Variants in LMAN2 observed in about 807,000 individuals in gnomAD.
LMAN2 encodes lectin, mannose binding 2, also known as vesicular integral-membrane protein VIP36.
Under a neutral mutation model 39.3 loss-of-function variants are expected in LMAN2, and 22 were observed. That is an observed-to-expected ratio of 0.56 (90% CI 0.40 to 0.80). The LOEUF is 0.80. Ranked by LOEUF, LMAN2 falls within the 30% of genes least tolerant of loss-of-function variation. The pLI, the probability that LMAN2 is intolerant of heterozygous loss-of-function variation, is 0.00. For missense variants in LMAN2, 494 were observed against 505.4 expected, an observed-to-expected ratio of 0.98 and a Z score of 0.22; for synonymous variants, 207 against 207.8, an observed-to-expected ratio of 1.00 and a Z score of 0.03.
rs1414511980 is a variant in LMAN2, at chr5:177,332,094, A to G, written c.1063T>C (p.Phe355Leu). 6.2e-7 allele frequency: 1 copy of G among 1,611,538 alleles called. No individual in the cohort carries two copies. The highest frequency in any genetic ancestry group is 1.1e-5 in the South Asian group (1 of 91,016). Residue 355 changes from phenylalanine to leucine, a missense_variant, in exon 8 of 8, where the codon TTC becomes CTC. Physicochemically the swap from Phe to Leu is conservative, Grantham distance 22. Coordinates refer to ENST00000303127, the MANE Select transcript of LMAN2 (RefSeq NM_006816.3). The surrounding 1 kb of genome is among the most constrained non-coding windows in gnomAD (Gnocchi z 6.3). The stretch of plus-strand genomic sequence containing the variant: ...CCCGCCGGAGGCGCCACTCAGTAGA[A>G]GCGCTTGTTCCGCTCCTGCCGCTTC... The part of the protein sequence containing the change: ...FQKRQERNKR[F>L]Y
chr5:177,345,339 T>TAAA (rs10639580), intron 2 of LMAN2, among the ~76,000 whole-genome samples: 808 of 52,318 alleles, frequency 0.015, 49 homozygotes, highest in Non-Finnish European at 0.021. Flanking sequence ...AGACCCTGTC[T>TAAA]AAAAAAAAAA....
At chr5:177,344,507 C>G (rs1484692652) in intron 2 of LMAN2, among the ~76,000 whole-genome samples, 2 of 150,132 alleles carry the variant, frequency 1.3e-5, no homozygotes, top group African/African-American at 4.9e-5. Context: ...GTCTTGATCT[C>G]CTGACCTCGT....
Position 177,351,553 on chromosome 5 carries a change from G to C in LMAN2, c.95C>G (p.Pro32Arg), listed in dbSNP as rs754599913. The change falls in exon 1 of 8, where the codon CCT (proline) becomes CGT (arginine). Residue 32 changes from proline (P) to arginine (R), a missense_variant. Pro to Arg is a moderately radical substitution (Grantham distance 103, BLOSUM62 -2). Coordinates refer to ENST00000303127, the MANE Select transcript of LMAN2 (RefSeq NM_006816.3). ...LLGPGPGPTT[P>R]LFLLLLLGSV... ...CCCCAACAACAAAAGAAGAAAGAGA[G>C]GTGTAGTGGGGCCAGGGCCGGGGCC... 6.2e-7 allele frequency: 1 copy of C among 1,614,250 alleles called. No individual in the cohort carries two copies. The highest frequency in any genetic ancestry group is 1.1e-5 in the South Asian group (1 of 91,086).
In LMAN2 at chr5:177,332,085, C is replaced by T. The variant is rs745780892; in HGVS notation, c.*1G>A. On this transcript the variant is annotated 3_prime_UTR_variant, in exon 8 of 8. Coordinates refer to ENST00000303127, the MANE Select transcript of LMAN2 (RefSeq NM_006816.3). The surrounding 1 kb of genome is among the most constrained non-coding windows in gnomAD (Gnocchi z 6.3). ...GGGACAGGCCCCGCCGGAGGCGCCA[C>T]TCAGTAGAAGCGCTTGTTCCGCTCC... is the stretch of plus-strand genomic sequence containing the variant. 1.2e-6 allele frequency: 2 copies of T among 1,605,036 alleles called. No individual in the cohort carries two copies. Among genetic ancestry groups the T allele is most frequent in the Non-Finnish European group, 1.7e-6 (2 of 1,174,034 alleles).
At chr5:177,339,520 G>A (rs1342697014) in intron 2 of LMAN2, among the ~76,000 whole-genome samples, 3 of 152,248 alleles carry the variant, frequency 2.0e-5, no homozygotes, top group African/African-American at 4.8e-5. Flanking sequence ...GAAGTCGCTT[G>A]TGAAAACTAA....
At chr5:177,339,479 C>G (rs1025169257) in intron 2 of LMAN2, among the ~76,000 whole-genome samples, 14 of 152,214 alleles carry the variant, frequency 9.2e-5, no homozygotes, top group South Asian at 6.2e-4. Flanking sequence ...ACCGCCTACG[C>G]CAAGGGAGAA....
intron 2 of LMAN2, among the ~76,000 whole-genome samples, chr5:177,339,702 G>A (rs1170489740): frequency 1.3e-5 from 2 of 152,194 alleles, no homozygotes; most frequent in Non-Finnish European, 2.9e-5. Context: ...TGAGCATGAA[G>A]AGAAATGAAT....
Position 177,332,290 on chromosome 5 carries a change from G to A in LMAN2, c.911-44C>T, listed in dbSNP as rs371167395. 3.6e-5 allele frequency: 57 copies of A among 1,575,506 alleles called. No homozygotes were observed. Among genetic ancestry groups the A allele is most frequent in the South Asian group, 4.5e-5 (4 of 88,676 alleles). On this transcript the variant is annotated intron_variant, in intron 7 of 7. Transcript: ENST00000303127. The surrounding 1 kb of genome is among the most constrained non-coding windows in gnomAD (Gnocchi z 6.3). ...GGGAGCTGAAACGGCAGCACGGGCC[G>A]GGGATCAGGGGGCTGCAGGAGGGCA... is the stretch of plus-strand genomic sequence containing the variant.
intron 2 of LMAN2, among the ~76,000 whole-genome samples, chr5:177,341,543 C>A (rs573351666): frequency 1.3e-5 from 2 of 152,290 alleles, no homozygotes; most frequent in South Asian, 4.1e-4. Flanking sequence ...GGATTCTATA[C>A]TCAGCAAATG....
intron 2 of LMAN2, among the ~76,000 whole-genome samples, chr5:177,345,647 T>A (rs1761624392): frequency 6.6e-6 from 1 of 152,160 alleles, no homozygotes; most frequent in Non-Finnish European, 1.5e-5. Context: ...TGCAGAGCTG[T>A]GGTCTGCCCG....
rs374381603 is a variant in LMAN2 at position 177,334,231 on chromosome 5, C to G, written c.910+53G>C. 7.5e-5 allele frequency: 118 copies of G among 1,565,152 alleles called. No individual in the cohort carries two copies. The East Asian group carries it at 1.7e-3, about 23-fold the overall frequency. Reference sequence around the variant, plus strand: ...AAGACCCGCCAGGCTGGCTTCACCCCATTCTGGGTCAGGCCGCCCAGGCCC... The same window carrying G: ...AAGACCCGCCAGGCTGGCTTCACCCGATTCTGGGTCAGGCCGCCCAGGCCC... On this transcript the variant is annotated intron_variant, in intron 7 of 7. Coordinates refer to ENST00000303127, the MANE Select transcript of LMAN2 (RefSeq NM_006816.3).
chr5:177,331,954 T>A lies in LMAN2; in HGVS notation c.*132A>T, dbSNP rs1761390807. ...CCTGCTGGGCAAGAAGCAAAATGTA[T>A]GAAAATACTTTAATCATTTATTTGA... On this transcript the variant is annotated 3_prime_UTR_variant, in exon 8 of 8. Transcript: ENST00000303127. 8.9e-7 allele frequency: 1 copy of A among 1,121,072 alleles called. No individual in the cohort carries two copies. Among genetic ancestry groups the A allele is most frequent in the African/African-American group, 1.6e-5 (1 of 63,646 alleles). The allele number at this position is 1,121,072 out of a possible 1,614,324, so 69.4% of individuals were successfully genotyped here.
chr5:177,347,890 G>A (rs918499672), intron 2 of LMAN2, among the ~76,000 whole-genome samples: 1 of 152,128 alleles, frequency 6.6e-6, no homozygotes, highest in Non-Finnish European at 1.5e-5. Context: ...AGGCTGAGGT[G>A]GGAAGATTGC....
rs201213972 is a variant in LMAN2 at position 177,337,179 on chromosome 5, G to A, written c.747C>T (p.Thr249=). 334 of 1,613,888 alleles carry A rather than the reference G, an allele frequency of 2.1e-4. No homozygotes were observed. Among genetic ancestry groups the A allele is most frequent in the Admixed American group, 9.5e-4 (57 of 60,024 alleles). ...CGGCGGAGGCCCCGAAGTAGTAGCC[G>A]GTGGGCAGGCGCACTCCCGTGATGT... ...CIDITGVRLP[T]GYYFGASAGT... is the part of the protein sequence containing the mutation. Residue 249 remains threonine (T), a synonymous_variant, in exon 6 of 8, where the codon ACC becomes ACT. Coordinates refer to ENST00000303127, the MANE Select transcript of LMAN2 (RefSeq NM_006816.3). The surrounding 1 kb of genome is among the most constrained non-coding windows in gnomAD (Gnocchi z 8.2).
chr5:177,346,893 A>G (rs934465568), intron 2 of LMAN2, among the ~76,000 whole-genome samples: 7 of 152,132 alleles, frequency 4.6e-5, no homozygotes, highest in African/African-American at 1.7e-4. Context: ...TCCGAACTCA[A>G]TCTTAACCCT....
In LMAN2 at chr5:177,348,234, TAA is replaced by T. The variant is rs140565803; in HGVS notation, c.315+2937_315+2938del. 2.6e-3 allele frequency among the ~76,000 whole-genome samples: 394 copies of T among 152,292 alleles called. 1 individual carries two copies. Among genetic ancestry groups the T allele is most frequent in the African/African-American group, 9.1e-3 (380 of 41,568 alleles). ...ATTATAATAATCTCAAACAAAATAT[TAA>T]AAGTTTCAGTCTCAACAAAATTGAA... On this transcript the variant is annotated intron_variant, in intron 2 of 7. Transcript: ENST00000303127.
At position 177,337,778 on chromosome 5, in the gene LMAN2, C is replaced by T. The variant is rs1264702641; in HGVS notation, c.441G>A (p.Val147=). ...CGTGGAAGTTATCTTTGCTTCCAAACACAGGCCCTAGAATTATAAGCAGAT... is the reference window on the plus strand; with the variant it reads ...CGTGGAAGTTATCTTTGCTTCCAAATACAGGCCCTAGAATTATAAGCAGAT... The part of the protein sequence containing the change: ...YTRDRLVPGP[V]FGSKDNFHGL... Residue 147 remains valine, a synonymous_variant, in exon 4 of 8, where the codon GTG becomes GTA. Coordinates refer to ENST00000303127, the MANE Select transcript of LMAN2 (RefSeq NM_006816.3). The surrounding 1 kb of genome is among the most constrained non-coding windows in gnomAD (Gnocchi z 8.2). 2.5e-6 allele frequency: 4 copies of T among 1,613,726 alleles called. No homozygotes were observed. The South Asian group carries it at 3.3e-5, about 13-fold the overall frequency.
chr5:177,344,000 AG>A (rs1470458192), intron 2 of LMAN2, among the ~76,000 whole-genome samples: 1 of 152,038 alleles, frequency 6.6e-6, no homozygotes, highest in East Asian at 1.9e-4. Flanking sequence ...GCTTGAGGCC[AG>A]GAGTTCGAGA....
intron 2 of LMAN2, among the ~76,000 whole-genome samples, chr5:177,343,361 T>C (rs1241192253): frequency 3.3e-5 from 5 of 152,180 alleles, no homozygotes; most frequent in African/African-American, 4.8e-5. Context: ...AGAAAACCGT[T>C]TGGTAGTCCT....
Sources: allele counts gnomAD v4.1 joint callset (sites outside exome capture counted in the v4.1 genomes callset), GRCh38; gene constraint gnomAD v4.1.1; non-coding constraint Gnocchi (gnomAD v3.1); transcripts MANE v1.5; gene names NCBI Gene and HGNC (gene_info 2026-07-23, HGNC 2026-07-21).